The following FLT1 variants were observed in gnomAD, a reference collection of about 807,000 sequenced individuals.
FLT1 encodes the protein fms related receptor tyrosine kinase 1, also known as vascular endothelial growth factor receptor 1.
In FLT1, 49 loss-of-function variants were observed where a neutral mutation model predicts 156.3. That is an observed-to-expected ratio of 0.31 (90% CI 0.25 to 0.40). The LOEUF (loss-of-function observed/expected upper bound fraction) is 0.40, where lower values mean the gene tolerates loss of function less well. Ranked by LOEUF, FLT1 falls within the 10% of genes least tolerant of loss-of-function variation. The pLI is 1.00. For missense variants in FLT1, 1,322 were observed against 1,637.2 expected, an observed-to-expected ratio of 0.81 and a Z score of 3.32; for synonymous variants, 594 against 583.8, an observed-to-expected ratio of 1.02 and a Z score of -0.25.
At position 28,303,275 on chromosome 13, in the gene FLT1, G is replaced by C. The variant is rs1870590645; in HGVS notation, c.3909C>G (p.Gly1303=). 6.2e-7 allele frequency: 1 copy of C among 1,614,038 alleles called. No homozygotes were observed. The highest frequency in any genetic ancestry group is 8.5e-7 in the Non-Finnish European group (1 of 1,180,018). The change falls in exon 30 of 30, where the codon GGC becomes GGG. Residue 1303 remains glycine (G), a synonymous_variant. Transcript: ENST00000282397. ...CGTGGTCGTAGGTGAACCTGCGCTTGCCTTCGCTGACGTGCCCACAGCTGG... is the reference window on the plus strand; with the variant it reads ...CGTGGTCGTAGGTGAACCTGCGCTTCCCTTCGCTGACGTGCCCACAGCTGG... The part of the protein sequence containing the change: ...CHSSCGHVSE[G]KRRFTYDHAE...
chr13:28,333,382 G>T (rs1872000129), intron 18 of FLT1, among the ~76,000 whole-genome samples: 1 of 152,172 alleles, frequency 6.6e-6, no homozygotes, highest in Non-Finnish European at 1.5e-5. Context: ...GAGACATGTG[G>T]TTTACACAGC....
At chr13:28,399,823 T>C (rs2137479112) in intron 11 of FLT1, among the ~76,000 whole-genome samples, 1 of 152,342 alleles carries the variant, frequency 6.6e-6, no homozygotes, top group African/African-American at 2.4e-5. Flanking sequence ...AAAACAACGT[T>C]GATGGGAGTT....
At chr13:28,414,914 G>A (rs1876554976) in intron 10 of FLT1, among the ~76,000 whole-genome samples, 1 of 152,142 alleles carries the variant, frequency 6.6e-6, no homozygotes, top group Non-Finnish European at 1.5e-5. Flanking sequence ...ATACACCCCT[G>A]ACCTAAGCAC....
chr13:28,433,389 CCTGA>C (rs1489889354), intron 6 of FLT1, among the ~76,000 whole-genome samples: 1 of 152,156 alleles, frequency 6.6e-6, no homozygotes, highest in East Asian at 1.9e-4. Flanking sequence ...CAATCAGGTG[CCTGA>C]CTGTCTGCCA....
At chr13:28,425,401 C>A (rs890949479) in intron 10 of FLT1, among the ~76,000 whole-genome samples, 2 of 152,054 alleles carry the variant, frequency 1.3e-5, no homozygotes, top group African/African-American at 2.4e-5. Flanking sequence ...CAGGCCTTGG[C>A]GAACTTATTC....
Position 28,439,605 on chromosome 13 carries a change from G to T in FLT1, c.389-1260C>A, listed in dbSNP as rs1878229234. On this transcript the variant is annotated intron_variant, in intron 3 of 29. Coordinates refer to ENST00000282397, the MANE Select transcript of FLT1 (RefSeq NM_002019.4). The surrounding 1 kb of genome is among the most constrained non-coding windows in gnomAD (Gnocchi z 4.1). Reference sequence around the variant, plus strand: ...AAACAGGATTGTTGCAAATGTAATTGCTTAAGCTAAGTAAGGGAGGGCTCC... The same window carrying T: ...AAACAGGATTGTTGCAAATGTAATTTCTTAAGCTAAGTAAGGGAGGGCTCC... Among the ~76,000 whole-genome samples, 1 of 152,204 alleles carries T rather than the reference G, an allele frequency of 6.6e-6. No individual in the cohort carries two copies. Among genetic ancestry groups the T allele is most frequent in the African/African-American group, 2.4e-5 (1 of 41,446 alleles).
At chr13:28,352,689 G>A (rs1053479917) in intron 15 of FLT1, among the ~76,000 whole-genome samples, 1 of 152,298 alleles carries the variant, frequency 6.6e-6, no homozygotes, top group Middle Eastern at 3.4e-3. Flanking sequence ...GTTCATCTCT[G>A]TTTTGAGCAC....
intron 3 of FLT1, among the ~76,000 whole-genome samples, chr13:28,460,549 T>C (rs1455081151): frequency 6.6e-6 from 1 of 151,924 alleles, no homozygotes; most frequent in Non-Finnish European, 1.5e-5. Flanking sequence ...AATGAGTGGA[T>C]TGCACAGAAC....
intron 3 of FLT1, among the ~76,000 whole-genome samples, chr13:28,462,524 A>T (rs1215647419): frequency 6.6e-6 from 1 of 152,222 alleles, no homozygotes; most frequent in African/African-American, 2.4e-5. Flanking sequence ...AGCTATAATT[A>T]GATTCAATTC....
chr13:28,412,324 T>TC (rs1402422966), intron 10 of FLT1, among the ~76,000 whole-genome samples: 2 of 37,020 alleles, frequency 5.4e-5, no homozygotes, highest in Admixed American at 3.8e-4. Context: ...TTTCTTTCTT[T>TC]CTTTCTTTTC....
chr13:28,340,427 A>T (rs75883783), intron 16 of FLT1, among the ~76,000 whole-genome samples: 5,366 of 152,266 alleles, frequency 0.035, 287 homozygotes, highest in Admixed American at 0.15. Flanking sequence ...ATTTACATTT[A>T]ATGTCTTAGA....
At position 28,302,218 on chromosome 13, in the gene FLT1, TG is replaced by T. The variant is rs1477187096; in HGVS notation, c.*948del. On this transcript the variant is annotated 3_prime_UTR_variant, in exon 30 of 30. Coordinates refer to ENST00000282397, the MANE Select transcript of FLT1 (RefSeq NM_002019.4). ...GCAAAACAGAATAATACCAAGAAAT[TG>T]AGTTAAGTGTCTGGACTATATATTA... The T allele has an allele frequency of 1.3e-5, 3 of 233,162 alleles. No individual in the cohort carries two copies. Among genetic ancestry groups the T allele is most frequent in the African/African-American group, 6.6e-5 (3 of 45,350 alleles). The allele number at this position is 233,162 out of a possible 1,614,324, so 14.4% of individuals were successfully genotyped here. A position where few individuals can be genotyped will look rare whatever the true frequency, so the allele number is the denominator to read the frequency against.
chr13:28,303,496 C>CCG, intron 29 of FLT1, 128 bp from the exon 30 acceptor site: 3 of 799,214 alleles, frequency 3.8e-6, no homozygotes, highest in Non-Finnish European at 6.2e-6. Context: ...TTTGGAACCC[C>CCG]CCCCCCCTCA....
chr13:28,483,842 C>A (rs912045564), intron 1 of FLT1, among the ~76,000 whole-genome samples: 1 of 152,168 alleles, frequency 6.6e-6, no homozygotes, highest in Non-Finnish European at 1.5e-5. Context: ...ATTCCAAACC[C>A]TGAAAACAAA....
At position 28,376,030 on chromosome 13, in the gene FLT1, T is replaced by A. The variant is rs1873823928; in HGVS notation, c.2116+8855A>T. On this transcript the variant is annotated intron_variant, in intron 14 of 29. Transcript: ENST00000282397. ...AGCGTGACAGATGGTCAGTTTTTCA[T>A]CCCTGGGTATTAACAGCCTCATTCC... 2.0e-5 allele frequency among the ~76,000 whole-genome samples: 3 copies of A among 152,210 alleles called. No homozygotes were observed. The South Asian group carries it at 6.2e-4, about 31-fold the overall frequency.
At chr13:28,349,429 C>T (rs1593700100) in intron 15 of FLT1, among the ~76,000 whole-genome samples, 1 of 82,916 alleles carries the variant, frequency 1.2e-5, no homozygotes, top group Admixed American at 1.7e-4. Flanking sequence ...TTGCTGTACA[C>T]ACACACACAC....
At chr13:28,329,522 G>C in intron 19 of FLT1, 93 bp downstream of exon 19, 1 of 899,686 alleles carries the variant, frequency 1.1e-6, no homozygotes. Context: ...AGGCGAGGAA[G>C]CACAGTGCGG....
At chr13:28,325,755 C>T (rs1871651957) in intron 20 of FLT1, among the ~76,000 whole-genome samples, 1 of 127,862 alleles carries the variant, frequency 7.8e-6, no homozygotes, top group Non-Finnish European at 1.6e-5. Flanking sequence ...ACGGAGGTTG[C>T]AGTGAGCTGA....
intron 13 of FLT1, chr13:28,388,858 G>A (rs1355567494): frequency 1.1e-5 from 12 of 1,062,848 alleles, no homozygotes; most frequent in African/African-American, 8.2e-5. Flanking sequence ...AATAACCAGA[G>A]GACAGGAATA....
Sources: allele counts gnomAD v4.1 joint callset (sites outside exome capture counted in the v4.1 genomes callset), GRCh38; gene constraint gnomAD v4.1.1; non-coding constraint Gnocchi (gnomAD v3.1); transcripts MANE v1.5; gene names NCBI Gene and HGNC (gene_info 2026-07-23, HGNC 2026-07-21).